The following FOXK1 variants were observed in gnomAD, a reference collection of about 807,000 sequenced individuals.
FOXK1 encodes forkhead box protein K1.
A neutral mutation model predicts 51.9 loss-of-function variants in FOXK1; 19 were observed. The observed-to-expected ratio is 0.37, with a 90% CI of 0.26 to 0.54. The LOEUF is 0.54. Among genes scored for constraint, FOXK1 ranks in the 20% least tolerant of loss-of-function variants. The probability of loss-of-function intolerance (pLI) is 0.87; values close to 1 mark genes in which losing one functional copy is unlikely to be tolerated. For synonymous variants in FOXK1, 537 were observed against 482.6 expected, an observed-to-expected ratio of 1.11 and a Z score of -1.48; for missense variants, 870 against 1,032.7, an observed-to-expected ratio of 0.84 and a Z score of 2.16.
intron 1 of FOXK1, among the ~76,000 whole-genome samples, chr7:4,699,833 T>C (rs1779999245): frequency 6.6e-6 from 1 of 152,236 alleles, no homozygotes; most frequent in Non-Finnish European, 1.5e-5. Context: ...GGTAACAGTT[T>C]TTTAATTCAT....
chr7:4,757,356 G>A (rs151124804), intron 5 of FOXK1, among the ~76,000 whole-genome samples, 169 bp downstream of exon 5: 3,126 of 152,032 alleles, frequency 0.021, 100 homozygotes, highest in African/African-American at 0.071. Flanking sequence ...AGGCCGGCGC[G>A]GTGGCTCACG....
At chr7:4,742,302 T>G (rs1780644458) in intron 2 of FOXK1, among the ~76,000 whole-genome samples, 1 of 152,192 alleles carries the variant, frequency 6.6e-6, no homozygotes, top group South Asian at 2.1e-4. Context: ...GCTGTGGCAA[T>G]CCCAGGCTGG....
At position 4,723,247 on chromosome 7, in the gene FOXK1, C is replaced by T. The variant is rs554146885; in HGVS notation, c.561-17591C>T. 3.3e-5 allele frequency among the ~76,000 whole-genome samples: 5 copies of T among 151,988 alleles called. No homozygotes were observed. The highest frequency in any genetic ancestry group is 3.3e-4 in the Admixed American group (5 of 15,262). On this transcript the variant is annotated intron_variant, in intron 1 of 8. Transcript: ENST00000328914. This position sits in a 1 kb window ranked among gnomAD's most constrained non-coding sequence, Gnocchi z 4.7. ...CGTTGCACGTCCCCCGGCTCAGCACCGAGCAAGTGGGCCTGGACCCTGAAG... is the reference window on the plus strand; with the variant it reads ...CGTTGCACGTCCCCCGGCTCAGCACTGAGCAAGTGGGCCTGGACCCTGAAG...
At chr7:4,702,215 C>T (rs973161541) in intron 1 of FOXK1, among the ~76,000 whole-genome samples, 2 of 152,208 alleles carry the variant, frequency 1.3e-5, no homozygotes, top group African/African-American at 4.8e-5. Context: ...CCCTGTCCTC[C>T]ACCTTCCCCT....
At chr7:4,695,458 C>T (rs1264947173) in intron 1 of FOXK1, among the ~76,000 whole-genome samples, 3 of 152,174 alleles carry the variant, frequency 2.0e-5, no homozygotes, top group South Asian at 2.1e-4. Flanking sequence ...TGTTTTATAT[C>T]TGTGCTGTCC....
At chr7:4,725,402 T>G (rs1335491935) in intron 1 of FOXK1, among the ~76,000 whole-genome samples, 1 of 152,230 alleles carries the variant, frequency 6.6e-6, no homozygotes, top group African/African-American at 2.4e-5. Flanking sequence ...TTTTCACTGC[T>G]GTTGCCCAAA....
chr7:4,756,865 A>G lies in FOXK1; in HGVS notation c.1051-129A>G, dbSNP rs1011246075. The stretch of plus-strand genomic sequence containing the variant: ...TGCTCCCGTGAGGCCCAGCCAGCAC[A>G]GCACCAAGGGCTCTGCACAGAGGGA... On this transcript the variant is annotated intron_variant, in intron 4 of 8. Coordinates refer to ENST00000328914, the MANE Select transcript of FOXK1 (RefSeq NM_001037165.2). The surrounding 1 kb of genome is among the most constrained non-coding windows in gnomAD (Gnocchi z 4.1). 6 of 981,296 alleles carry G rather than the reference A, an allele frequency of 6.1e-6. No individual in the cohort carries two copies. The African/African-American group carries it at 9.8e-5, about 16-fold the overall frequency. 60.8% of individuals were successfully genotyped at this position (981,296 alleles called of 1,614,324 possible). A position where few individuals can be genotyped will look rare whatever the true frequency, so the allele number is the denominator to read the frequency against.
In FOXK1 at chr7:4,762,256, G is replaced by A; in HGVS notation, c.1994G>A (p.Cys665Tyr). 1.3e-6 allele frequency: 2 copies of A among 1,551,730 alleles called. No individual in the cohort carries two copies. The highest frequency in any genetic ancestry group is 1.7e-6 in the Non-Finnish European group (2 of 1,147,266). ...SSAPVVVTRV[C>Y]EVGPKEPAAA... Reference sequence around the variant, plus strand: ...GCGCCGGTGGTGGTCACCCGGGTGTGCGAGGTGGGGCCCAAGGAGCCAGCA... The same window carrying A: ...GCGCCGGTGGTGGTCACCCGGGTGTACGAGGTGGGGCCCAAGGAGCCAGCA... Residue 665 changes from cysteine (C) to tyrosine (Y), a missense_variant, in exon 9 of 9, where the codon TGC becomes TAC. Transcript: ENST00000328914. This position sits in a 1 kb window ranked among gnomAD's most constrained non-coding sequence, Gnocchi z 5.7.
At chr7:4,720,088 C>A (rs75876530) in intron 1 of FOXK1, among the ~76,000 whole-genome samples, 7,382 of 152,160 alleles carry the variant, frequency 0.049, 607 homozygotes, top group African/African-American at 0.17. Context: ...AGCCCCAGGT[C>A]CTGAAGGATT....
In FOXK1 at chr7:4,682,671, C is replaced by G. The variant is rs1383337475; in HGVS notation, c.363C>G (p.Pro121=). 1 of 1,593,724 alleles carries G rather than the reference C, an allele frequency of 6.3e-7. No individual in the cohort carries two copies. Among genetic ancestry groups the G allele is most frequent in the Non-Finnish European group, 8.5e-7 (1 of 1,175,210 alleles). Residue 121 remains proline (P), a synonymous_variant, in exon 1 of 9, where the codon CCC becomes CCG. Transcript: ENST00000328914. The surrounding 1 kb of genome is among the most constrained non-coding windows in gnomAD (Gnocchi z 7.6). The part of the protein sequence containing the change: ...GREFEFLMRQ[P]SVTIGRNSSQ... ...AGTTCGAGTTCCTCATGCGCCAGCCCAGCGTCACCATCGGCCGCAACTCGT... is the reference window on the plus strand; with the variant it reads ...AGTTCGAGTTCCTCATGCGCCAGCCGAGCGTCACCATCGGCCGCAACTCGT...
chr7:4,714,486 G>T (rs1435038771), intron 1 of FOXK1, among the ~76,000 whole-genome samples: 1 of 152,146 alleles, frequency 6.6e-6, no homozygotes, highest in African/African-American at 2.4e-5. Flanking sequence ...CATTGCCCAA[G>T]CTGGTCTCCA....
rs1464519560 is a variant in FOXK1, at chr7:4,682,903, G to A, written c.560+35G>A. 2.1e-6 allele frequency: 3 copies of A among 1,423,604 alleles called. No individual in the cohort carries two copies. Among genetic ancestry groups the A allele is most frequent in the Non-Finnish European group, 2.8e-6 (3 of 1,086,060 alleles). 88.2% of individuals were successfully genotyped at this position (1,423,604 alleles called of 1,614,324 possible). A position where few individuals can be genotyped will look rare whatever the true frequency, so the allele number is the denominator to read the frequency against. On this transcript the variant is annotated intron_variant, in intron 1 of 8. Transcript: ENST00000328914. This position sits in a 1 kb window ranked among gnomAD's most constrained non-coding sequence, Gnocchi z 7.6. ...CCCGCGACCCCCGCCGCCCGCACCC[G>A]GGGCTCGCCCACGACCTCGATCTCT...
At chr7:4,736,173 A>G (rs1351481934) in intron 1 of FOXK1, among the ~76,000 whole-genome samples, 2 of 152,180 alleles carry the variant, frequency 1.3e-5, no homozygotes, top group Non-Finnish European at 2.9e-5. Context: ...ATCAAGTAGC[A>G]TGCTTCATAG....
rs1352833260 is a variant in FOXK1, at chr7:4,715,259, T to C, written c.561-25579T>C. Among the ~76,000 whole-genome samples the C allele has an allele frequency of 1.5e-5, 2 of 136,340 alleles. No individual in the cohort carries two copies. Among genetic ancestry groups the C allele is most frequent in the African/African-American group, 3.0e-5 (1 of 33,048 alleles). The allele number at this position is 136,340 out of a possible 152,430, so 89.4% of individuals were successfully genotyped here. A position where few individuals can be genotyped will look rare whatever the true frequency, so the allele number is the denominator to read the frequency against. ...CATGGCGAAATTGTGATACGGTGCA[T>C]GGTGTTTTGTTTCAAGGAGAGATCG... is the stretch of plus-strand genomic sequence containing the variant. On this transcript the variant is annotated intron_variant, in intron 1 of 8. Transcript: ENST00000328914. This position sits in a 1 kb window ranked among gnomAD's most constrained non-coding sequence, Gnocchi z 4.5.
chr7:4,685,221 C>CTTTTTTTTTTTTTTTTT (rs55891300), intron 1 of FOXK1, among the ~76,000 whole-genome samples: 3 of 102,618 alleles, frequency 2.9e-5, no homozygotes, highest in Non-Finnish European at 2.0e-5. Flanking sequence ...GAGCTATTTG[C>CTTTTTTTTTTTTTTTTT]TTTTTTTTTT....
intron 1 of FOXK1, among the ~76,000 whole-genome samples, chr7:4,717,000 TG>T (rs761550122): frequency 2.3e-5 from 3 of 128,644 alleles, no homozygotes; most frequent in Non-Finnish European, 5.0e-5. Flanking sequence ...GGGAGGCGCG[TG>T]GCTGGAAGGT....
chr7:4,750,749 G>T (rs1464398521), intron 2 of FOXK1, among the ~76,000 whole-genome samples: 1 of 151,722 alleles, frequency 6.6e-6, no homozygotes, highest in Non-Finnish European at 1.5e-5. Flanking sequence ...TTGTTGTCCA[G>T]GCTGGAGTAC....
chr7:4,728,424 T>C (rs1246270460), intron 1 of FOXK1, among the ~76,000 whole-genome samples: 3 of 152,232 alleles, frequency 2.0e-5, no homozygotes, highest in African/African-American at 7.2e-5. Flanking sequence ...GTAAACTTGT[T>C]TCTATGCATT....
chr7:4,708,051 C>A (rs1251240698), intron 1 of FOXK1, among the ~76,000 whole-genome samples: 2 of 151,952 alleles, frequency 1.3e-5, no homozygotes, highest in Non-Finnish European at 2.9e-5. Context: ...TGGGGTACCG[C>A]CTAGTAACTG....
Sources: allele counts gnomAD v4.1 joint callset (sites outside exome capture counted in the v4.1 genomes callset), GRCh38; gene constraint gnomAD v4.1.1; non-coding constraint Gnocchi (gnomAD v3.1); transcripts MANE v1.5; gene names NCBI Gene and HGNC (gene_info 2026-07-23, HGNC 2026-07-21).